The following SDK1 variants were observed in gnomAD, a reference collection of about 807,000 sequenced individuals.
SDK1 encodes protein sidekick-1.
Under a neutral mutation model 245.5 loss-of-function variants are expected in SDK1, and 157 were observed. The observed-to-expected ratio is 0.64, with a 90% CI of 0.56 to 0.73. The LOEUF (loss-of-function observed/expected upper bound fraction) is 0.73. SDK1 is among the 30% of genes least tolerant of loss of function. The probability of loss-of-function intolerance (pLI) is 0.00; values close to 1 mark genes in which losing one functional copy is unlikely to be tolerated. For synonymous variants in SDK1, 1,647 were observed against 1,278.5 expected, an observed-to-expected ratio of 1.29 and a Z score of -6.15; for missense variants, 3,583 against 3,002.3, an observed-to-expected ratio of 1.19 and a Z score of -4.52.
At position 4,267,246 on chromosome 7, in the gene SDK1, C is replaced by T. The variant is rs935061904; in HGVS notation, c.*1862C>T. The T allele has an allele frequency of 5.9e-6, 4 of 680,368 alleles. No individual in the cohort carries two copies. The highest frequency in any genetic ancestry group is 2.0e-5 in the African/African-American group (1 of 50,036). 42.1% of individuals were successfully genotyped at this position (680,368 alleles called of 1,614,324 possible). A position where few individuals can be genotyped will look rare whatever the true frequency, so the allele number is the denominator to read the frequency against. On this transcript the variant is annotated 3_prime_UTR_variant, in exon 45 of 45. Transcript: ENST00000404826. ...CCTTCCTCCCTTCCTCTCTTCTTTC[C>T]TCCCTCCCTCCCTCCTTCCCTCCCT...
chr7:3,851,476 T>C (rs1157680930), intron 5 of SDK1, among the ~76,000 whole-genome samples: 2 of 152,250 alleles, frequency 1.3e-5, no homozygotes, highest in Non-Finnish European at 2.9e-5. Flanking sequence ...TGCGTGTTTA[T>C]GTTCTTGCTT....
At chr7:3,494,388 A>T (rs1031260524) in intron 1 of SDK1, among the ~76,000 whole-genome samples, 4 of 152,216 alleles carry the variant, frequency 2.6e-5, no homozygotes, top group Admixed American at 2.6e-4. Context: ...GGTGGTGGCA[A>T]ATAACTCTGC....
chr7:3,518,730 A>G (rs893644467), intron 1 of SDK1, among the ~76,000 whole-genome samples: 7 of 152,114 alleles, frequency 4.6e-5, no homozygotes, highest in African/African-American at 1.7e-4. Context: ...ACTATGCAGG[A>G]AAGTAAACTA....
chr7:3,846,807 C>T (rs992137128), intron 5 of SDK1, among the ~76,000 whole-genome samples: 1 of 152,096 alleles, frequency 6.6e-6, no homozygotes, highest in African/African-American at 2.4e-5. Flanking sequence ...ATCCCCTTCT[C>T]CTCCCGCTAC....
intron 17 of SDK1, among the ~76,000 whole-genome samples, chr7:4,031,169 G>C (rs893474224): frequency 1.3e-5 from 2 of 152,108 alleles, no homozygotes; most frequent in Admixed American, 1.3e-4. Context: ...ACATAGATAT[G>C]TTCTTGTACA....
intron 1 of SDK1, among the ~76,000 whole-genome samples, chr7:3,437,078 A>G (rs946518058): frequency 1.3e-5 from 2 of 152,166 alleles, no homozygotes; most frequent in Non-Finnish European, 2.9e-5. Flanking sequence ...TTCTTTCCAC[A>G]TGATCTCATG....
intron 4 of SDK1, among the ~76,000 whole-genome samples, chr7:3,813,034 G>A (rs912949774): frequency 6.6e-6 from 1 of 152,126 alleles, no homozygotes; most frequent in Non-Finnish European, 1.5e-5. Flanking sequence ...TCACTCTGGC[G>A]ACTTAACATG....
intron 32 of SDK1, among the ~76,000 whole-genome samples, chr7:4,172,092 G>C (rs922315889): frequency 5.3e-5 from 8 of 152,166 alleles, no homozygotes; most frequent in African/African-American, 1.9e-4. Flanking sequence ...ACCCAGCAAG[G>C]CCACTCAGTT....
intron 23 of SDK1, among the ~76,000 whole-genome samples, 157 bp downstream of exon 23, chr7:4,110,929 G>A (rs1422059241): frequency 6.6e-6 from 1 of 152,158 alleles, no homozygotes; most frequent in Non-Finnish European, 1.5e-5. Flanking sequence ...CAGGCGGGAT[G>A]CATAGCTTGG....
chr7:4,139,117 AG>A (rs151113320), intron 28 of SDK1, among the ~76,000 whole-genome samples: 12,052 of 152,272 alleles, frequency 0.079, 886 homozygotes, highest in African/African-American at 0.19. Context: ...GGAGGAGCCC[AG>A]CCCCACGGCC....
At chr7:3,463,354 A>G (rs1049847170) in intron 1 of SDK1, among the ~76,000 whole-genome samples, 1 of 137,898 alleles carries the variant, frequency 7.3e-6, no homozygotes, top group African/African-American at 3.2e-5. Flanking sequence ...ATATTCATGA[A>G]TGAATGAATG....
intron 5 of SDK1, among the ~76,000 whole-genome samples, chr7:3,840,594 T>TGC (rs1287167623): frequency 5.3e-5 from 8 of 152,190 alleles, no homozygotes; most frequent in Admixed American, 3.9e-4. Flanking sequence ...ACAAGATATT[T>TGC]AGGTGATTCA....
rs545381404 is a variant in SDK1 at position 3,977,407 on chromosome 7, CG to C, written c.1994+2866del. ...TCCTCCAGAGAATCACTGGGGGTCC[CG>C]GGGCTGAGGCTGCCACACAGAGGGT... On this transcript the variant is annotated intron_variant, in intron 13 of 44. Coordinates refer to ENST00000404826, the MANE Select transcript of SDK1 (RefSeq NM_152744.4). Among the ~76,000 whole-genome samples, 76 of 108,558 alleles carry C rather than the reference CG, an allele frequency of 7.0e-4. 1 individual carries two copies. The highest frequency in any genetic ancestry group is 6.1e-3 in the Admixed American group (71 of 11,574). The allele number at this position is 108,558 out of a possible 152,430, so 71.2% of individuals were successfully genotyped here. A position where few individuals can be genotyped will look rare whatever the true frequency, so the allele number is the denominator to read the frequency against.
chr7:3,909,346 A>G (rs1000319997), intron 5 of SDK1, among the ~76,000 whole-genome samples: 4 of 152,128 alleles, frequency 2.6e-5, no homozygotes, highest in African/African-American at 7.2e-5. Context: ...CGGACACCCC[A>G]TCTACTGTGC....
In SDK1 at chr7:3,536,249, C is replaced by G. The variant is rs961207745; in HGVS notation, c.299-82831C>G. On this transcript the variant is annotated intron_variant, in intron 1 of 44. Transcript: ENST00000404826. Reference sequence around the variant, plus strand: ...TTTTTTTTTTGTGTGTGTGTTTTTACTAGAGACGGGGTTGCACCATGTTAG... The same window carrying G: ...TTTTTTTTTTGTGTGTGTGTTTTTAGTAGAGACGGGGTTGCACCATGTTAG... Among the ~76,000 whole-genome samples the G allele has an allele frequency of 5.9e-4, 87 of 146,888 alleles. 1 individual carries two copies. Among genetic ancestry groups the G allele is most frequent in the Admixed American group, 2.0e-3 (29 of 14,474 alleles).
chr7:3,345,325 C>T (rs978544806), intron 1 of SDK1, among the ~76,000 whole-genome samples: 3 of 151,984 alleles, frequency 2.0e-5, no homozygotes, highest in African/African-American at 7.3e-5. Flanking sequence ...TGGGACATGA[C>T]ATATGTTAGG....
intron 44 of SDK1, among the ~76,000 whole-genome samples, chr7:4,250,010 A>C (rs771718534): frequency 1.3e-5 from 2 of 152,186 alleles, no homozygotes; most frequent in Non-Finnish European, 2.9e-5. Context: ...CCCTGTACCG[A>C]TTAGCAGTCA....
intron 1 of SDK1, among the ~76,000 whole-genome samples, chr7:3,374,522 G>C (rs552918928): frequency 6.6e-6 from 1 of 152,126 alleles, no homozygotes; most frequent in Non-Finnish European, 1.5e-5. Context: ...GCCACCAGAA[G>C]GTCTCTCTCC....
chr7:3,906,890 G>T (rs957982982), intron 5 of SDK1, among the ~76,000 whole-genome samples: 4 of 151,972 alleles, frequency 2.6e-5, no homozygotes, highest in African/African-American at 9.7e-5. Context: ...TCGGCCTCCC[G>T]AAGTGCTGGG....
Sources: allele counts gnomAD v4.1 joint callset (sites outside exome capture counted in the v4.1 genomes callset), GRCh38; gene constraint gnomAD v4.1.1; transcripts MANE v1.5; gene names NCBI Gene and HGNC (gene_info 2026-07-23, HGNC 2026-07-21).